DAAM1: variants seen among roughly 807,000 people sequenced by gnomAD.
DAAM1 encodes dishevelled associated activator of morphogenesis 1.
A neutral mutation model predicts 130.0 loss-of-function variants in DAAM1; 52 were observed. The ratio of observed to expected loss-of-function variants is 0.40; its 90% CI spans 0.32 to 0.50. The LOEUF (loss-of-function observed/expected upper bound fraction) is 0.50. Ranked by LOEUF, DAAM1 falls within the 20% of genes least tolerant of loss-of-function variation. The pLI, the probability that DAAM1 is intolerant of heterozygous loss-of-function variation, is 0.61. For missense variants in DAAM1, 1,134 were observed against 1,303.8 expected, an observed-to-expected ratio of 0.87 and a Z score of 2.01; for synonymous variants, 452 against 444.5, an observed-to-expected ratio of 1.02 and a Z score of -0.21.
At position 59,367,569 on chromosome 14, in the gene DAAM1, A is replaced by G. The variant is rs1886970010; in HGVS notation, c.2967A>G (p.Glu989=). Reference sequence around the variant, plus strand: ...AAAATATGAGAAAGAAAAAGGAGGAAGAAGAACGTCGAGCTCGCATGGAAG... The same window carrying G: ...AAAATATGAGAAAGAAAAAGGAGGAGGAAGAACGTCGAGCTCGCATGGAAG... ...ENENMRKKKE[E]EERRARMEAQ... The change falls in exon 24 of 25, where the codon GAA becomes GAG. Residue 989 remains glutamate, a synonymous_variant. Coordinates refer to ENST00000360909, the MANE Select transcript of DAAM1 (RefSeq NM_001270520.2). The G allele has an allele frequency of 6.2e-7, 1 of 1,613,794 alleles. No homozygotes were observed. Among genetic ancestry groups the G allele is most frequent in the Admixed American group, 1.7e-5 (1 of 59,992 alleles).
At chr14:59,238,648 A>G (rs1274963650) in intron 1 of DAAM1, among the ~76,000 whole-genome samples, 3 of 152,142 alleles carry the variant, frequency 2.0e-5, no homozygotes, top group Admixed American at 6.5e-5. Context: ...TTGTATTCCT[A>G]ACCCTTCACG....
At chr14:59,326,135 G>A in intron 10 of DAAM1, 58 bp downstream of exon 10, 1 of 1,513,468 alleles carries the variant, frequency 6.6e-7, no homozygotes. Flanking sequence ...TGTCCTAATG[G>A]GTTCTGGCTC....
rs780276345 is a variant in DAAM1, at chr14:59,352,619, T to C, written c.2254T>C (p.Phe752Leu). Reference protein sequence around the residue: ...DRMAKADRFLFEMSRINHYQQ... With the variant: ...DRMAKADRFLLEMSRINHYQQ... ...GATGGCCAAGGCTGATAGGTTCCTT[T>C]TTGAGATGAGCCGGTGAGTTTGAAA... The change falls in exon 18 of 25, where the codon TTT becomes CTT. Residue 752 changes from phenylalanine (F) to leucine (L), a missense_variant. This residue lies in a region of DAAM1 where 644 missense variants were observed against 695.9 expected (regional missense o/e 0.93). Transcript: ENST00000360909. 9 of 1,612,758 alleles carry C rather than the reference T, an allele frequency of 5.6e-6. No individual in the cohort carries two copies. The East Asian group carries it at 1.8e-4, about 32-fold the overall frequency.
intron 3 of DAAM1, among the ~76,000 whole-genome samples, chr14:59,304,583 C>T (rs2139588554): frequency 6.6e-6 from 1 of 152,254 alleles, no homozygotes; most frequent in African/African-American, 2.4e-5. Context: ...TTATCTGTCC[C>T]CATACATAAG....
chr14:59,241,898 T>TC (rs1282727854), intron 1 of DAAM1, among the ~76,000 whole-genome samples: 7 of 152,032 alleles, frequency 4.6e-5, no homozygotes, highest in East Asian at 3.9e-4. Context: ...TCTCTCTCTC[T>TC]TTTTTTTCCC....
intron 1 of DAAM1, among the ~76,000 whole-genome samples, chr14:59,221,608 C>G (rs1008265395): frequency 6.6e-6 from 1 of 152,206 alleles, no homozygotes; most frequent in Non-Finnish European, 1.5e-5. Flanking sequence ...CATGGTAATA[C>G]TAAGAGAAGC....
rs765298954 is a variant in DAAM1, at chr14:59,367,447, C to T, written c.2845C>T (p.His949Tyr). The T allele has an allele frequency of 1.9e-6, 3 of 1,610,026 alleles. No individual in the cohort carries two copies. Among genetic ancestry groups the T allele is most frequent in the East Asian group, 2.2e-5 (1 of 44,780 alleles). Residue 949 changes from histidine (H) to tyrosine (Y), a missense_variant, in exon 24 of 25, where the codon CAC becomes TAC. Coordinates refer to ENST00000360909, the MANE Select transcript of DAAM1 (RefSeq NM_001270520.2). ...AKDLFTKAVK[H>Y]FGEEAGKIQP... ...TTCCTAGTTTACTAAAGCAGTGAAG[C>T]ACTTTGGGGAAGAGGCTGGCAAAAT...
chr14:59,245,089 T>C (rs1448883704), intron 1 of DAAM1, among the ~76,000 whole-genome samples: 1 of 152,152 alleles, frequency 6.6e-6, no homozygotes, highest in African/African-American at 2.4e-5. Context: ...TATGTAGAAA[T>C]CATGAAATGA....
chr14:59,196,764 CA>C (rs1473139754), intron 1 of DAAM1, among the ~76,000 whole-genome samples: 10 of 151,212 alleles, frequency 6.6e-5, no homozygotes, highest in Admixed American at 2.0e-4. Context: ...CAAAACAAAA[CA>C]AAAAAACAAA....
At chr14:59,322,308 T>G (rs1446700660) in intron 5 of DAAM1, among the ~76,000 whole-genome samples, 1 of 151,878 alleles carries the variant, frequency 6.6e-6, no homozygotes, top group Non-Finnish European at 1.5e-5. Context: ...GGCCACAAGT[T>G]CAAGACCAGT....
At chr14:59,235,440 T>C (rs761513345) in intron 1 of DAAM1, among the ~76,000 whole-genome samples, 32 of 152,230 alleles carry the variant, frequency 2.1e-4, no homozygotes, top group African/African-American at 7.2e-4. Flanking sequence ...TAGAGGTGTT[T>C]ATAGTATTCT....
At chr14:59,268,900 A>G (rs1456459491) in intron 2 of DAAM1, among the ~76,000 whole-genome samples, 1 of 152,230 alleles carries the variant, frequency 6.6e-6, no homozygotes, top group Non-Finnish European at 1.5e-5. Context: ...GGTTTTTAAA[A>G]GTCTTAAATT....
At position 59,370,144 on chromosome 14, in the gene DAAM1, C is replaced by CTTTTTTTTTTTTTTTTT. The variant is rs398025271; in HGVS notation, c.*1295_*1311dup. ...TATAAAGAGGACTGTTACTTTTTTA[C>CTTTTTTTTTTTTTTTTT]TTTTTTTTTTTTTTTTTTTTTTTTT... On this transcript the variant is annotated 3_prime_UTR_variant, in exon 25 of 25. Transcript: ENST00000360909. The CTTTTTTTTTTTTTTTTT allele has an allele frequency of 1.0e-5, 1 of 95,400 alleles. No individual in the cohort carries two copies. The highest frequency in any genetic ancestry group is 2.2e-5 in the Non-Finnish European group (1 of 46,364). The allele number at this position is 95,400 out of a possible 1,614,324, so 5.9% of individuals were successfully genotyped here.
intron 20 of DAAM1, 52 bp from the exon 21 acceptor site, chr14:59,359,345 T>C (rs1886613097): frequency 7.5e-7 from 1 of 1,332,572 alleles, no homozygotes; most frequent in African/African-American, 1.5e-5. Flanking sequence ...ATTTATGTAG[T>C]TTAAATGAAA....
At chr14:59,348,379 ATGT>A (rs1488667856) in intron 17 of DAAM1, among the ~76,000 whole-genome samples, 1 of 152,082 alleles carries the variant, frequency 6.6e-6, no homozygotes, top group Non-Finnish European at 1.5e-5. Context: ...CCAAATAACA[ATGT>A]TGTTGATCTC....
Position 59,370,922 on chromosome 14 carries a change from G to A in DAAM1, c.*2063G>A, listed in dbSNP as rs973847977. The A allele has an allele frequency of 2.3e-4, 35 of 152,088 alleles. No individual in the cohort carries two copies. Among genetic ancestry groups the A allele is most frequent in the African/African-American group, 8.4e-4 (35 of 41,440 alleles). 9.4% of individuals were successfully genotyped at this position (152,088 alleles called of 1,614,324 possible). On this transcript the variant is annotated 3_prime_UTR_variant, in exon 25 of 25. Coordinates refer to ENST00000360909, the MANE Select transcript of DAAM1 (RefSeq NM_001270520.2). ...GCTTTGTCTTACAGTTTAAGGAATA[G>A]ACAGGTGGAGGGAAAGTCACATAAA...
chr14:59,364,745 A>C (rs1409943480), intron 23 of DAAM1, among the ~76,000 whole-genome samples: 2 of 152,222 alleles, frequency 1.3e-5, no homozygotes, highest in Non-Finnish European at 2.9e-5. Flanking sequence ...GTTAAAGTTC[A>C]AAAGTAGGCT....
At chr14:59,333,516 G>C (rs1202937835) in intron 15 of DAAM1, among the ~76,000 whole-genome samples, 1 of 152,202 alleles carries the variant, frequency 6.6e-6, no homozygotes, top group Non-Finnish European at 1.5e-5. Context: ...GTCCTGAGAA[G>C]GTGTCTCCTT....
intron 1 of DAAM1, among the ~76,000 whole-genome samples, chr14:59,234,094 G>A (rs961943925): frequency 3.9e-5 from 6 of 152,166 alleles, no homozygotes; most frequent in Admixed American, 1.3e-4. Context: ...TTCTTGCTTA[G>A]GATTGTCTTG....
Sources: gnomAD v4.1 joint callset for allele counts (sites outside exome capture counted in the v4.1 genomes callset) on GRCh38, gnomAD v4.1.1 for gene constraint, gnomAD v4.1.1 regional missense constraint, MANE v1.5 for transcripts, NCBI Gene and HGNC (gene_info 2026-07-23, HGNC 2026-07-21) for gene names.